RAB38: variants seen among roughly 807,000 people sequenced by gnomAD.
RAB38 encodes ras-related protein Rab-38.
Under a neutral mutation model 18.4 loss-of-function variants are expected in RAB38, and 15 were observed. The observed-to-expected ratio is 0.82, with a 90% CI of 0.55 to 1.26. RAB38 has a LOEUF of 1.26. Ranked by LOEUF, RAB38 falls within the 50% of genes most tolerant of loss-of-function variation. RAB38 has a pLI of 0.00. For missense variants in RAB38, 294 were observed against 267.4 expected, an observed-to-expected ratio of 1.10 and a Z score of -0.69; for synonymous variants, 101 against 104.4, an observed-to-expected ratio of 0.97 and a Z score of 0.20.
At chr11:88,033,624 C>G in the RAB38 span, among the ~76,000 whole-genome samples, 2 of 150,552 alleles carry the variant, frequency 1.3e-5, no homozygotes, top group East Asian at 2.0e-4. Flanking sequence ...AGTTGTGTTT[C>G]TGTGTGTGTC....
chr11:87,915,832 T>C, the RAB38 span, among the ~76,000 whole-genome samples: 1 of 152,158 alleles, frequency 6.6e-6, no homozygotes, highest in Non-Finnish European at 1.5e-5. Context: ...AACAAAGCCA[T>C]GAGGTGGGAC....
At chr11:88,102,452 T>C in the RAB38 span, among the ~76,000 whole-genome samples, 3 of 152,162 alleles carry the variant, frequency 2.0e-5, no homozygotes, top group African/African-American at 4.8e-5. Flanking sequence ...TTTCTTTTCA[T>C]TGAAGGAAAA....
At chr11:88,051,129 C>G in the RAB38 span, among the ~76,000 whole-genome samples, 4 of 151,920 alleles carry the variant, frequency 2.6e-5, no homozygotes, top group Non-Finnish European at 5.9e-5. Flanking sequence ...TTTTGGTACC[C>G]TCTTAATTTC....
the RAB38 span, among the ~76,000 whole-genome samples, chr11:87,947,435 T>C: frequency 6.6e-6 from 1 of 152,214 alleles, no homozygotes; most frequent in Non-Finnish European, 1.5e-5. Context: ...GCCATTGCTT[T>C]TGGTGTTTTA....
intron 1 of RAB38, among the ~76,000 whole-genome samples, chr11:88,160,899 G>T (rs1943182036): frequency 6.6e-6 from 1 of 152,014 alleles, no homozygotes; most frequent in Admixed American, 6.6e-5. Flanking sequence ...TGAGTAAGGG[G>T]ATCATTTGTA....
At chr11:87,941,212 G>GATAT in the RAB38 span, among the ~76,000 whole-genome samples, 658 of 37,668 alleles carry the variant, frequency 0.017, 48 homozygotes, top group East Asian at 0.046. Context: ...ATAAATATAT[G>GATAT]AGATATATAT....
the RAB38 span, among the ~76,000 whole-genome samples, chr11:87,897,156 AC>A: frequency 3.3e-5 from 5 of 150,754 alleles, no homozygotes; most frequent in South Asian, 6.3e-4. Flanking sequence ...TTCAGATTTA[AC>A]CCCCCCCAAA....
chr11:88,163,240 C>T (rs928448815), intron 1 of RAB38, among the ~76,000 whole-genome samples: 1 of 152,118 alleles, frequency 6.6e-6, no homozygotes, highest in African/African-American at 2.4e-5. Context: ...ACTTTATGCT[C>T]ACAATGCACT....
At chr11:88,031,092 G>A in the RAB38 span, among the ~76,000 whole-genome samples, 19 of 150,942 alleles carry the variant, frequency 1.3e-4, no homozygotes, top group African/African-American at 4.6e-4. Flanking sequence ...ATCAATAAAT[G>A]TAATCCAGCA....
the RAB38 span, among the ~76,000 whole-genome samples, chr11:87,894,433 G>A: frequency 6.6e-6 from 1 of 151,592 alleles, no homozygotes; most frequent in African/African-American, 2.4e-5. Flanking sequence ...TATATCACAT[G>A]CCACAGATTC....
the RAB38 span, among the ~76,000 whole-genome samples, chr11:88,058,365 A>C: frequency 6.6e-6 from 1 of 152,176 alleles, no homozygotes; most frequent in Non-Finnish European, 1.5e-5. Flanking sequence ...TTGTTTTCTC[A>C]GAGCCAGTTC....
At chr11:88,061,953 C>G in the RAB38 span, 1 of 151,876 alleles carries the variant, frequency 6.6e-6, no homozygotes, top group Non-Finnish European at 1.5e-5. Context: ...TTTTGCTGTT[C>G]AAGAATTTTT....
At chr11:88,050,206 T>C in the RAB38 span, 7 of 152,182 alleles carry the variant, frequency 4.6e-5, no homozygotes, top group Admixed American at 2.0e-4. Flanking sequence ...TTTTTATAAA[T>C]AGAAAAAACT....
the RAB38 span, among the ~76,000 whole-genome samples, chr11:87,854,408 C>G: frequency 2.2e-4 from 34 of 152,272 alleles, no homozygotes; most frequent in African/African-American, 7.7e-4. Context: ...TTTCTCTTCT[C>G]ATGTTCTCTT....
At chr11:87,912,091 T>C in the RAB38 span, among the ~76,000 whole-genome samples, 1 of 151,990 alleles carries the variant, frequency 6.6e-6, no homozygotes, top group Non-Finnish European at 1.5e-5. Flanking sequence ...TTATATATCA[T>C]TTGATTCAAT....
intron 1 of RAB38, among the ~76,000 whole-genome samples, chr11:88,153,507 C>T (rs922135477): frequency 1.3e-5 from 2 of 152,204 alleles, no homozygotes; most frequent in African/African-American, 4.8e-5. Flanking sequence ...GCTCCTGCTC[C>T]ACCTCAGCCC....
chr11:87,976,168 A>G, the RAB38 span, among the ~76,000 whole-genome samples: 1 of 147,726 alleles, frequency 6.8e-6, no homozygotes, highest in African/African-American at 2.5e-5. Flanking sequence ...ACCTTTATGT[A>G]TATAGGTATA....
chr11:88,135,977 T>C (rs542217407), intron 2 of RAB38, among the ~76,000 whole-genome samples: 60 of 152,336 alleles, frequency 3.9e-4, no homozygotes, highest in Non-Finnish European at 5.9e-4. Flanking sequence ...AGAGAACTTC[T>C]TTCCTCCGGA....
At chr11:87,962,792 A>G in the RAB38 span, among the ~76,000 whole-genome samples, 1 of 152,140 alleles carries the variant, frequency 6.6e-6, no homozygotes, top group Admixed American at 6.6e-5. Flanking sequence ...CAAAATTGCT[A>G]AGAGTAAATT....
Sources: allele counts gnomAD v4.1 joint callset (sites outside exome capture counted in the v4.1 genomes callset), GRCh38; gene constraint gnomAD v4.1.1; transcripts MANE v1.5; gene names NCBI Gene and HGNC (gene_info 2026-07-23, HGNC 2026-07-21).